SYT1: variants seen among roughly 807,000 people sequenced by gnomAD.
SYT1 encodes the protein synaptotagmin-1.
A neutral mutation model predicts 44.8 loss-of-function variants in SYT1; 8 were observed. The ratio of observed to expected loss-of-function variants is 0.18; its 90% CI spans 0.10 to 0.32. The LOEUF is 0.32. Ranked by LOEUF, SYT1 falls within the 10% of genes least tolerant of loss-of-function variation. SYT1 has a pLI of 1.00. For synonymous variants in SYT1, 154 were observed against 188.8 expected, an observed-to-expected ratio of 0.82 and a Z score of 1.51; for missense variants, 286 against 509.3, an observed-to-expected ratio of 0.56 and a Z score of 4.22.
chr12:78,868,709 A>G (rs1873669147), intron 1 of SYT1: 1 of 151,898 alleles, frequency 6.6e-6, no homozygotes, highest in African/African-American at 2.4e-5. Context: ...ACAAAGTACC[A>G]TTTAAAGAAA....
chr12:79,338,759 T>G (rs1020544358), intron 8 of SYT1, among the ~76,000 whole-genome samples: 19 of 151,662 alleles, frequency 1.3e-4, no homozygotes, highest in African/African-American at 2.9e-4. Context: ...CTGTGTTGGT[T>G]TGCCGCACCC....
At chr12:79,315,062 A>T (rs1434075738) in intron 8 of SYT1, among the ~76,000 whole-genome samples, 1 of 152,204 alleles carries the variant, frequency 6.6e-6, no homozygotes, top group African/African-American at 2.4e-5. Context: ...ATTAGATAGC[A>T]ATGATGGTTA....
intron 9 of SYT1, among the ~76,000 whole-genome samples, chr12:79,376,142 G>T (rs746443843): frequency 1.3e-5 from 2 of 152,152 alleles, no homozygotes; most frequent in Non-Finnish European, 2.9e-5. Flanking sequence ...AAATGTTACA[G>T]GAAAGGGGTC....
intron 1 of SYT1, among the ~76,000 whole-genome samples, chr12:78,931,526 C>G (rs1877753597): frequency 6.6e-6 from 1 of 152,060 alleles, no homozygotes; most frequent in Non-Finnish European, 1.5e-5. Flanking sequence ...TCCATCTGCC[C>G]ATAGAATGCA....
chr12:79,399,644 A>G (rs925933438), intron 9 of SYT1, among the ~76,000 whole-genome samples: 1 of 152,216 alleles, frequency 6.6e-6, no homozygotes, highest in African/African-American at 2.4e-5. Flanking sequence ...TTTAATATAC[A>G]AATAAATTAA....
chr12:79,405,435 G>A (rs1366550114), intron 9 of SYT1, among the ~76,000 whole-genome samples: 1 of 152,044 alleles, frequency 6.6e-6, no homozygotes, highest in Non-Finnish European at 1.5e-5. Context: ...AGAAGATTTA[G>A]AGTAATATCA....
chr12:78,991,022 C>T (rs1741101694), intron 2 of SYT1, among the ~76,000 whole-genome samples: 1 of 152,052 alleles, frequency 6.6e-6, no homozygotes, highest in African/African-American at 2.4e-5. Context: ...AGAATATGAC[C>T]TTGCTTAATA....
intron 1 of SYT1, among the ~76,000 whole-genome samples, chr12:78,935,564 G>T (rs1279801611): frequency 6.6e-6 from 1 of 152,074 alleles, no homozygotes; most frequent in Non-Finnish European, 1.5e-5. Flanking sequence ...TATAGGTTCA[G>T]CTTGGGTAAA....
chr12:79,138,653 G>A (rs1401379348), intron 3 of SYT1, among the ~76,000 whole-genome samples: 1 of 152,162 alleles, frequency 6.6e-6, no homozygotes, highest in Non-Finnish European at 1.5e-5. Context: ...TTGTGTGTGT[G>A]TGCATGTGTG....
intron 1 of SYT1, among the ~76,000 whole-genome samples, chr12:78,943,288 G>C (rs1878481593): frequency 6.6e-6 from 1 of 152,108 alleles, no homozygotes; most frequent in Non-Finnish European, 1.5e-5. Context: ...ATAGGTTCAT[G>C]GGCCCGCAGG....
intron 3 of SYT1, among the ~76,000 whole-genome samples, chr12:79,048,446 A>T (rs936785606): frequency 6.6e-6 from 1 of 151,844 alleles, no homozygotes; most frequent in African/African-American, 2.4e-5. Flanking sequence ...TTTATCTGAA[A>T]TATATTTTAT....
At chr12:79,426,710 A>T (rs1465910383) in intron 9 of SYT1, among the ~76,000 whole-genome samples, 1 of 152,236 alleles carries the variant, frequency 6.6e-6, no homozygotes, top group Non-Finnish European at 1.5e-5. Context: ...ACAGAATGTT[A>T]ATATTTATGT....
At chr12:79,447,997 C>T (rs1009455138) in intron 10 of SYT1, among the ~76,000 whole-genome samples, 2 of 152,110 alleles carry the variant, frequency 1.3e-5, no homozygotes, top group African/African-American at 4.8e-5. Flanking sequence ...AAACTCTTAC[C>T]TTTACACTCA....
rs147788873 is a variant in SYT1 at position 79,111,358 on chromosome 12, G to A, written c.-18+63996G>A. Among the ~76,000 whole-genome samples the A allele has an allele frequency of 3.9e-3, 586 of 151,844 alleles. 4 individuals carry two copies. The highest frequency in any genetic ancestry group is 6.8e-3 in the Middle Eastern group (2 of 294). On this transcript the variant is annotated intron_variant, in intron 3 of 10. Transcript: ENST00000261205. ...CTTTCAAATACTCTTTCTCTTCCTG[G>A]AACACCCTTTCTACCTCTCCCTCAC...
chr12:79,449,153 C>T lies in SYT1; in HGVS notation c.*29C>T, dbSNP rs749685310. On this transcript the variant is annotated 3_prime_UTR_variant, in exon 11 of 11. Transcript: ENST00000261205. ...AAAGAAGAAGCCTTTCTGCATTTGC[C>T]CATATAGTGCTCTTTAGCCAGTATC... The T allele has an allele frequency of 3.2e-6, 5 of 1,569,506 alleles. No individual in the cohort carries two copies. In the African/African-American group the frequency reaches 4.1e-5, roughly 13 times the overall value.
intron 9 of SYT1, among the ~76,000 whole-genome samples, chr12:79,423,157 G>A (rs1170314210): frequency 2.0e-5 from 3 of 152,138 alleles, no homozygotes; most frequent in Admixed American, 2.0e-4. Flanking sequence ...TCTTTTGTGA[G>A]CCAGCATTGT....
At chr12:79,304,228 T>C (rs1880284765) in intron 8 of SYT1, among the ~76,000 whole-genome samples, 1 of 152,174 alleles carries the variant, frequency 6.6e-6, no homozygotes, top group Non-Finnish European at 1.5e-5. Flanking sequence ...AAAAACTATT[T>C]TTGAATGAAT....
intron 4 of SYT1, among the ~76,000 whole-genome samples, chr12:79,239,440 T>C (rs1876373492): frequency 6.6e-6 from 1 of 152,232 alleles, no homozygotes; most frequent in Non-Finnish European, 1.5e-5. Flanking sequence ...AAAATCTGAA[T>C]AAAGTATGGA....
rs1827470304 is a variant in SYT1 at position 79,034,424 on chromosome 12, T to TCTCAAAGTC, written c.-83-12871_-83-12863dup. On this transcript the variant is annotated intron_variant, in intron 2 of 10. Transcript: ENST00000261205. ...TGTCTAAAAAATTGATTTACTACCC[T>TCTCAAAGTC]CTCAAAGTCCATTCCAAAATTACAG... Among the ~76,000 whole-genome samples, 6 of 151,624 alleles carry TCTCAAAGTC rather than the reference T, an allele frequency of 4.0e-5. No individual in the cohort carries two copies. In the Admixed American group the frequency reaches 4.0e-4, roughly 10 times the overall value.
Sources: gnomAD v4.1 joint callset for allele counts (sites outside exome capture counted in the v4.1 genomes callset) on GRCh38, gnomAD v4.1.1 for gene constraint, MANE v1.5 for transcripts, NCBI Gene and HGNC (gene_info 2026-07-23, HGNC 2026-07-21) for gene names.